CYP27C1: variants seen among roughly 807,000 people sequenced by gnomAD.
The protein encoded by CYP27C1 is cytochrome P450 family 27 subfamily C member 1.
In CYP27C1, 29 loss-of-function variants were observed where a neutral mutation model predicts 40.6. The observed-to-expected ratio is 0.71, with a 90% CI of 0.53 to 0.97. The LOEUF is 0.97. Among genes scored for constraint, CYP27C1 ranks in the 50% least tolerant of loss-of-function variants. The pLI, the probability that CYP27C1 is intolerant of heterozygous loss-of-function variation, is 0.00. For missense variants in CYP27C1, 390 were observed against 485.8 expected, an observed-to-expected ratio of 0.80 and a Z score of 1.85; for synonymous variants, 198 against 186.8, an observed-to-expected ratio of 1.06 and a Z score of -0.49.
chr2:127,210,376 A>C (rs1683312054), intron 1 of CYP27C1, among the ~76,000 whole-genome samples: 1 of 152,252 alleles, frequency 6.6e-6, no homozygotes, highest in Non-Finnish European at 1.5e-5. Flanking sequence ...AAATAAGTAA[A>C]GGAAAAACCA....
chr2:127,198,386 T>C (rs1363812455), intron 5 of CYP27C1, among the ~76,000 whole-genome samples: 2 of 152,052 alleles, frequency 1.3e-5, no homozygotes, highest in Non-Finnish European at 2.9e-5. Context: ...ACTAATAAGG[T>C]TTTTAATGTC....
chr2:127,216,549 T>A (rs1349152740), intron 1 of CYP27C1, among the ~76,000 whole-genome samples: 1 of 152,028 alleles, frequency 6.6e-6, no homozygotes, highest in Non-Finnish European at 1.5e-5. Flanking sequence ...GCAGGGGGAA[T>A]AGGAGAGTTG....
At chr2:127,192,996 A>C in intron 8 of CYP27C1, 98 bp downstream of exon 8, 1 of 1,475,674 alleles carries the variant, frequency 6.8e-7, no homozygotes, top group Non-Finnish European at 9.1e-7. Flanking sequence ...TTAAGTTTCC[A>C]AAACCGTCTT....
Position 127,219,083 on chromosome 2 carries a change from G to T in CYP27C1, c.282+906C>A, listed in dbSNP as rs1211982116. On this transcript the variant is annotated intron_variant, in intron 1 of 8. Coordinates refer to ENST00000664447, the MANE Select transcript of CYP27C1 (RefSeq NM_001367502.1). The surrounding 1 kb of genome is among the most constrained non-coding windows in gnomAD (Gnocchi z 8.7). ...CCCCCAACTCCGGCTTAGAGCCTAC[G>T]GCACCCCGAGCCTCCGAGCCTCCGT... is the stretch of plus-strand genomic sequence containing the variant. 6.6e-6 allele frequency among the ~76,000 whole-genome samples: 1 copy of T among 152,044 alleles called. No homozygotes were observed. The highest frequency in any genetic ancestry group is 2.4e-5 in the African/African-American group (1 of 41,410).
In CYP27C1 at chr2:127,193,102, C is replaced by A. The variant is rs749987138; in HGVS notation, c.1489G>T (p.Val497Leu). Residue 497 changes from valine to leucine, a missense_variant, in exon 8 of 9, where the codon GTG (valine) becomes TTG (leucine). Coordinates refer to ENST00000664447, the MANE Select transcript of CYP27C1 (RefSeq NM_001367502.1). ...TGGCCTCCACGCCCTACCTGGATCACGACGAGGTGAATCTCCAGTTCTGCA... is the reference window on the plus strand; with the variant it reads ...TGGCCTCCACGCCCTACCTGGATCAAGACGAGGTGAATCTCCAGTTCTGCA... The part of the protein sequence containing the change: ...RIAELEIHLV[V>L]IQLLQHFEIK... 2 of 1,614,114 alleles carry A rather than the reference C, an allele frequency of 1.2e-6. No individual in the cohort carries two copies. The highest frequency in any genetic ancestry group is 1.7e-6 in the Non-Finnish European group (2 of 1,180,008).
At chr2:127,199,980 GGTT>G (rs2104685182) in intron 4 of CYP27C1, among the ~76,000 whole-genome samples, 1 of 152,216 alleles carries the variant, frequency 6.6e-6, no homozygotes, top group East Asian at 1.9e-4. Context: ...TAAATGTTGT[GGTT>G]GTTGTTGTTT....
chr2:127,197,731 CCT>C (rs1408328023), intron 5 of CYP27C1, among the ~76,000 whole-genome samples: 1 of 152,178 alleles, frequency 6.6e-6, no homozygotes, highest in African/African-American at 2.4e-5. Flanking sequence ...CTAGCTCCTC[CCT>C]GTTTTGCCAT....
rs1352736572 is a variant in CYP27C1 at position 127,200,048 on chromosome 2, C to A, written c.884-509G>T. 1.3e-5 allele frequency among the ~76,000 whole-genome samples: 2 copies of A among 152,172 alleles called. No homozygotes were observed. Among genetic ancestry groups the A allele is most frequent in the African/African-American group, 4.8e-5 (2 of 41,438 alleles). On this transcript the variant is annotated intron_variant, in intron 4 of 8. Coordinates refer to ENST00000664447, the MANE Select transcript of CYP27C1 (RefSeq NM_001367502.1). This position sits in a 1 kb window ranked among gnomAD's most constrained non-coding sequence, Gnocchi z 4.2. The stretch of plus-strand genomic sequence containing the variant: ...AGGCTGGAGTGCAGTGGCAGGATCT[C>A]GGCTCACTGCAACCTCCGCCTCCCG...
intron 2 of CYP27C1, among the ~76,000 whole-genome samples, chr2:127,204,614 A>AAAGAAAGAAAGAAAGAAAGAAAGAAAGG (rs1558931574): frequency 9.6e-6 from 1 of 104,182 alleles, no homozygotes; most frequent in African/African-American, 4.0e-5. Flanking sequence ...AGAAAGAAAG[A>AAAGAAAGAAAGAAAGAAAGAAAGAAAGG]AAGAAAGAAA....
At chr2:127,190,942 A>G (rs1385384728) in intron 8 of CYP27C1, among the ~76,000 whole-genome samples, 1 of 103,632 alleles carries the variant, frequency 9.6e-6, no homozygotes, top group Admixed American at 9.6e-5. Flanking sequence ...TGAGACTCTG[A>G]AAAAAAAAAA....
At position 127,201,961 on chromosome 2, in the gene CYP27C1, T is replaced by G. The variant is rs1055352454; in HGVS notation, c.674-630A>C. 6.6e-6 allele frequency among the ~76,000 whole-genome samples: 1 copy of G among 152,204 alleles called. No homozygotes were observed. Among genetic ancestry groups the G allele is most frequent in the Admixed American group, 6.5e-5 (1 of 15,286 alleles). On this transcript the variant is annotated intron_variant, in intron 3 of 8. Coordinates refer to ENST00000664447, the MANE Select transcript of CYP27C1 (RefSeq NM_001367502.1). This position sits in a 1 kb window ranked among gnomAD's most constrained non-coding sequence, Gnocchi z 6.0. ...TTACCAATCACTTCTGGGATGATTT[T>G]GTTACTAATTTTAGAGAAAATTAAC...
At position 127,201,304 on chromosome 2, in the gene CYP27C1, C is replaced by T. The variant is rs747388358; in HGVS notation, c.701G>A (p.Arg234His). 4.3e-6 allele frequency: 7 copies of T among 1,613,900 alleles called. No homozygotes were observed. The highest frequency in any genetic ancestry group is 3.3e-5 in the Admixed American group (2 of 59,998). ...GATGCTGTTTTCCAGGCAGCCCAAA[C>T]GACTCTCATAAAGGATGGTGGCCAC... is the stretch of plus-strand genomic sequence containing the variant. Reference protein sequence around the residue: ...EGVATILYESRLGCLENSIPQ... With the variant: ...EGVATILYESHLGCLENSIPQ... The change falls in exon 4 of 9, where the codon CGT becomes CAT. Residue 234 changes from arginine (R) to histidine (H), a missense_variant. Coordinates refer to ENST00000664447, the MANE Select transcript of CYP27C1 (RefSeq NM_001367502.1). The surrounding 1 kb of genome is among the most constrained non-coding windows in gnomAD (Gnocchi z 6.0).
Position 127,187,179 on chromosome 2 carries a change from G to T in CYP27C1, c.*92C>A, listed in dbSNP as rs946965805. The T allele has an allele frequency of 4.0e-5, 41 of 1,036,600 alleles. No individual in the cohort carries two copies. Among genetic ancestry groups the T allele is most frequent in the Non-Finnish European group, 5.8e-5 (40 of 683,858 alleles). 64.2% of individuals were successfully genotyped at this position (1,036,600 alleles called of 1,614,324 possible). ...TAACAAGACAGCCTTTAGCGACATC[G>T]CTTTCCTTCTCCACGGTGATCAGCG... On this transcript the variant is annotated 3_prime_UTR_variant, in exon 9 of 9. Transcript: ENST00000664447.
chr2:127,210,298 G>A (rs1167553283), intron 1 of CYP27C1, among the ~76,000 whole-genome samples: 1 of 152,122 alleles, frequency 6.6e-6, no homozygotes, highest in Admixed American at 6.5e-5. Context: ...ATCCTTTCCA[G>A]AAAAGCAAAT....
In CYP27C1 at chr2:127,192,990, G is replaced by A. The variant is rs919902202; in HGVS notation, c.1497+104C>T. ...AGTGCCTGACGGCTCTTGATCTTAA[G>A]TTTCCAAAACCGTCTTTGCTTTTCA... is the stretch of plus-strand genomic sequence containing the variant. On this transcript the variant is annotated intron_variant, in intron 8 of 8. Coordinates refer to ENST00000664447, the MANE Select transcript of CYP27C1 (RefSeq NM_001367502.1). 6.3e-6 allele frequency: 9 copies of A among 1,436,718 alleles called. No individual in the cohort carries two copies. In the African/African-American group the frequency reaches 8.5e-5, roughly 14 times the overall value. The allele number at this position is 1,436,718 out of a possible 1,614,324, so 89.0% of individuals were successfully genotyped here.
rs1177330472 is a variant in CYP27C1 at position 127,205,693 on chromosome 2, G to C, written c.473+207C>G. On this transcript the variant is annotated intron_variant, in intron 2 of 8. Transcript: ENST00000664447. Reference sequence around the variant, plus strand: ...AGCGTCGCCCCTCCTGGCTCCTGACGGGACAACTCTGCACGGAGGAGGAGC... The same window carrying C: ...AGCGTCGCCCCTCCTGGCTCCTGACCGGACAACTCTGCACGGAGGAGGAGC... 1.2e-5 allele frequency: 12 copies of C among 985,532 alleles called. No individual in the cohort carries two copies. In the South Asian group the frequency reaches 2.3e-4, roughly 19 times the overall value. 61.0% of individuals were successfully genotyped at this position (985,532 alleles called of 1,614,324 possible). A position where few individuals can be genotyped will look rare whatever the true frequency, so the allele number is the denominator to read the frequency against.
At chr2:127,189,621 TA>T (rs34402051) in intron 8 of CYP27C1, among the ~76,000 whole-genome samples, 80,256 of 141,330 alleles carry the variant, frequency 0.57, 22,273 homozygotes, top group East Asian at 0.66. Flanking sequence ...AAAGTAAAAT[TA>T]AAAAAAAAAA....
At chr2:127,202,964 C>T (rs1301767823) in intron 3 of CYP27C1, among the ~76,000 whole-genome samples, 14 of 151,944 alleles carry the variant, frequency 9.2e-5, no homozygotes, top group Middle Eastern at 3.4e-3. Flanking sequence ...GTCAGGAGTT[C>T]GAGACCAGCC....
At chr2:127,204,610 A>AAAGAAAGCAAGCAAGCAAGCAAGC (rs1558931560) in intron 2 of CYP27C1, among the ~76,000 whole-genome samples, 22 of 102,672 alleles carry the variant, frequency 2.1e-4, no homozygotes, top group African/African-American at 6.9e-4. Context: ...AGAAAGAAAG[A>AAAGAAAGCAAGCAAGCAAGCAAGC]AAGAAAGAAA....
Sources: gnomAD v4.1 joint callset for allele counts (sites outside exome capture counted in the v4.1 genomes callset) on GRCh38, gnomAD v4.1.1 for gene constraint, Gnocchi (gnomAD v3.1) non-coding constraint, MANE v1.5 for transcripts, NCBI Gene and HGNC (gene_info 2026-07-23, HGNC 2026-07-21) for gene names.